PIBF1: variants seen among roughly 807,000 people sequenced by gnomAD.
PIBF1 encodes the protein progesterone-induced-blocking factor 1.
Under a neutral mutation model 112.5 loss-of-function variants are expected in PIBF1, and 90 were observed. That is an observed-to-expected ratio of 0.80 (90% CI 0.67 to 0.95). The LOEUF is 0.95. Ranked by LOEUF, PIBF1 falls within the 40% of genes least tolerant of loss-of-function variation. The pLI is 0.00. For missense variants in PIBF1, 915 were observed against 852.3 expected (o/e 1.07, Z -0.92); for synonymous variants, 301 against 288.6 (o/e 1.04, Z -0.44).
At chr13:72,972,992 GTTTC>G (rs1307123505) in intron 15 of PIBF1, among the ~76,000 whole-genome samples, 2 of 152,170 alleles carry the variant, frequency 1.3e-5, no homozygotes, top group African/African-American at 2.4e-5. Flanking sequence ...TTTTATGTGA[GTTTC>G]TTTATCTTTT....
chr13:72,829,299 A>G (rs1279973242), intron 8 of PIBF1, among the ~76,000 whole-genome samples: 1 of 152,022 alleles, frequency 6.6e-6, no homozygotes, highest in Non-Finnish European at 1.5e-5. Context: ...TCCATTTGTC[A>G]ATTTTGGCTT....
chr13:72,926,290 A>C (rs1031998919), intron 13 of PIBF1, among the ~76,000 whole-genome samples: 1 of 152,236 alleles, frequency 6.6e-6, no homozygotes, highest in Non-Finnish European at 1.5e-5. Context: ...ATATGTATTC[A>C]TATTTATTTA....
At chr13:72,853,721 A>G (rs1259686404) in intron 9 of PIBF1, among the ~76,000 whole-genome samples, 1 of 152,188 alleles carries the variant, frequency 6.6e-6, no homozygotes, top group Non-Finnish European at 1.5e-5. Context: ...AACCTCCCCA[A>G]ACCTCAGTTT....
At chr13:72,933,907 A>T (rs2041786122) in intron 14 of PIBF1, among the ~76,000 whole-genome samples, 1 of 152,220 alleles carries the variant, frequency 6.6e-6, no homozygotes, top group Non-Finnish European at 1.5e-5. Context: ...GGAAGGGCTT[A>T]ACAAATAAAA....
intron 3 of PIBF1, among the ~76,000 whole-genome samples, chr13:72,792,781 A>G (rs543925523): frequency 5.4e-4 from 82 of 152,322 alleles, no homozygotes; most frequent in African/African-American, 1.9e-3. Flanking sequence ...TAAACCATAT[A>G]TGATAAAGGA....
At chr13:72,902,219 T>G (rs2040520418) in intron 11 of PIBF1, among the ~76,000 whole-genome samples, 1 of 152,036 alleles carries the variant, frequency 6.6e-6, no homozygotes, top group Non-Finnish European at 1.5e-5. Flanking sequence ...TACAATGGAC[T>G]TTGGGTACTT....
chr13:72,990,984 TC>T (rs1405521898), intron 16 of PIBF1, among the ~76,000 whole-genome samples: 1 of 152,256 alleles, frequency 6.6e-6, no homozygotes, highest in East Asian at 1.9e-4. Flanking sequence ...GCGTTGTTAC[TC>T]CCATATGAAA....
At chr13:72,929,844 A>T (rs1315152812) in intron 13 of PIBF1, among the ~76,000 whole-genome samples, 1 of 152,028 alleles carries the variant, frequency 6.6e-6, no homozygotes, top group Non-Finnish European at 1.5e-5. Flanking sequence ...ATATAGAATG[A>T]TATTTAACAC....
chr13:72,787,928 G>A (rs1267574738), intron 2 of PIBF1, among the ~76,000 whole-genome samples: 1 of 152,172 alleles, frequency 6.6e-6, no homozygotes, highest in Non-Finnish European at 1.5e-5. Flanking sequence ...CCAAAGTGCA[G>A]GTGTGAAGCC....
intron 10 of PIBF1, among the ~76,000 whole-genome samples, chr13:72,891,196 T>G (rs1404191435): frequency 1.3e-5 from 2 of 152,198 alleles, no homozygotes; most frequent in Admixed American, 6.6e-5. Flanking sequence ...TGCTAAAAGC[T>G]AAGTCTTTAA....
Position 72,893,813 on chromosome 13 carries a change from G to A in PIBF1, c.1352G>A (p.Ser451Asn), listed in dbSNP as rs1470049652. Residue 451 changes from serine (S) to asparagine (N), a missense_variant, in exon 11 of 18, where the codon AGC (serine) becomes AAC (asparagine). By Grantham distance (46) the Ser-to-Asn change is conservative. Transcript: ENST00000326291. ...AGAGAACTACAACTTAGTACAGAAAGCAAAGTAACAGAATTTCTCCATCAA... is the reference window on the plus strand; with the variant it reads ...AGAGAACTACAACTTAGTACAGAAAACAAAGTAACAGAATTTCTCCATCAA... The part of the protein sequence containing the change: ...RYRELQLSTE[S>N]KVTEFLHQSK... The A allele has an allele frequency of 1.9e-6, 3 of 1,602,124 alleles. No individual in the cohort carries two copies. Among genetic ancestry groups the A allele is most frequent in the Non-Finnish European group, 1.7e-6 (2 of 1,174,098 alleles).
At chr13:72,940,612 C>T (rs1466045644) in intron 14 of PIBF1, among the ~76,000 whole-genome samples, 6 of 151,978 alleles carry the variant, frequency 3.9e-5, no homozygotes. Flanking sequence ...ATTTTGTATT[C>T]CTATATGTTT....
intron 9 of PIBF1, among the ~76,000 whole-genome samples, chr13:72,848,768 C>T (rs1203665704): frequency 6.6e-6 from 1 of 151,118 alleles, no homozygotes. Context: ...GGAAGCGGAG[C>T]TTGCAGTGAG....
At chr13:73,005,242 T>C (rs1238459198) in intron 17 of PIBF1, among the ~76,000 whole-genome samples, 1 of 151,986 alleles carries the variant, frequency 6.6e-6, no homozygotes, top group Non-Finnish European at 1.5e-5. Context: ...AATCTTCTTT[T>C]TAAAAACTTT....
At chr13:72,835,219 G>C in intron 8 of PIBF1, 24 bp from the exon 9 acceptor site, 1 of 1,511,040 alleles carries the variant, frequency 6.6e-7, no homozygotes, top group South Asian at 1.3e-5. Context: ...AAAATTTATG[G>C]TTGTTCCTTT....
chr13:72,927,056 G>A (rs1191416731), intron 13 of PIBF1, among the ~76,000 whole-genome samples: 2 of 150,920 alleles, frequency 1.3e-5, no homozygotes, highest in African/African-American at 4.9e-5. Context: ...AGAAAAAATA[G>A]TAATTTCCTT....
At position 72,790,927 on chromosome 13, in the gene PIBF1, A is replaced by G. The variant is rs551278677; in HGVS notation, c.253-1520A>G. 3.8e-4 allele frequency among the ~76,000 whole-genome samples: 58 copies of G among 152,348 alleles called. 2 individuals carry two copies. The highest frequency in any genetic ancestry group is 2.8e-3 in the Admixed American group (43 of 15,306). On this transcript the variant is annotated intron_variant, in intron 2 of 17. Coordinates refer to ENST00000326291, the MANE Select transcript of PIBF1 (RefSeq NM_006346.4). ...TATAGCAAAGAGAATGATGTGATCA[A>G]GGGACCATTTGCTTGATGATAGAAT...
chr13:72,888,678 A>G lies in PIBF1; in HGVS notation c.1323-5106A>G, dbSNP rs1448402236. Among the ~76,000 whole-genome samples, 5 of 152,170 alleles carry G rather than the reference A, an allele frequency of 3.3e-5. No individual in the cohort carries two copies. The East Asian group carries it at 9.6e-4, about 29-fold the overall frequency. The stretch of plus-strand genomic sequence containing the variant: ...TGTGGTCTATTATATAGCAAATGAA[A>G]AGAATGAGGTATAGACATGGAAAAA... On this transcript the variant is annotated intron_variant, in intron 10 of 17. Transcript: ENST00000326291.
intron 16 of PIBF1, among the ~76,000 whole-genome samples, chr13:72,975,372 A>G (rs1174546228): frequency 6.6e-6 from 1 of 152,150 alleles, no homozygotes; most frequent in Non-Finnish European, 1.5e-5. Flanking sequence ...AAAACATTTA[A>G]AACATATCAT....
Sources: gnomAD v4.1 joint callset for allele counts (sites outside exome capture counted in the v4.1 genomes callset) on GRCh38, gnomAD v4.1.1 for gene constraint, MANE v1.5 for transcripts, NCBI Gene and HGNC (gene_info 2026-07-23, HGNC 2026-07-21) for gene names.